ADCY5: variants seen among roughly 807,000 people sequenced by gnomAD.
ADCY5 encodes the protein adenylate cyclase 5, also known as adenylate cyclase type 5.
ADCY5 carries 30 observed loss-of-function variants against 119.7 expected under a neutral mutation model. The ratio of observed to expected loss-of-function variants is 0.25; its 90% CI spans 0.19 to 0.34. ADCY5 has a LOEUF of 0.34. Among genes scored for constraint, ADCY5 ranks in the 10% least tolerant of loss-of-function variants. The pLI is 1.00. For synonymous variants in ADCY5, 753 were observed against 762.2 expected, an observed-to-expected ratio of 0.99 and a Z score of 0.20; for missense variants, 1,324 against 1,775.2, an observed-to-expected ratio of 0.75 and a Z score of 4.57.
intron 1 of ADCY5, among the ~76,000 whole-genome samples, chr3:123,420,488 A>G (rs1945281171): frequency 6.6e-6 from 1 of 152,166 alleles, no homozygotes; most frequent in Non-Finnish European, 1.5e-5. Context: ...GCAGGAAGGT[A>G]GGGTGGGAGG....
rs1285962614 is a variant in ADCY5 at position 123,440,886 on chromosome 3, C to G, written c.1134+6526G>C. Among the ~76,000 whole-genome samples the G allele has an allele frequency of 2.0e-5, 3 of 152,190 alleles. No homozygotes were observed. In the East Asian group the frequency reaches 5.8e-4, roughly 29 times the overall value. On this transcript the variant is annotated intron_variant, in intron 1 of 20. Coordinates refer to ENST00000462833, the MANE Select transcript of ADCY5 (RefSeq NM_183357.3). ...GATCATCCCTCTCATCCTGTTTTAC[C>G]ACCACCACTATGACCCAATCGCCTT...
chr3:123,392,423 AGGGCTTAGAT>A (rs1386957904), intron 1 of ADCY5, among the ~76,000 whole-genome samples: 3 of 152,126 alleles, frequency 2.0e-5, no homozygotes, highest in Non-Finnish European at 2.9e-5. Context: ...AGTCTGAGGA[AGGGCTTAGAT>A]GGGCTCGGTC....
intron 12 of ADCY5, among the ~76,000 whole-genome samples, chr3:123,306,936 A>C (rs981091199): frequency 5.3e-5 from 8 of 152,272 alleles, no homozygotes; most frequent in African/African-American, 1.9e-4. Context: ...GTGCTGTTAC[A>C]TGCTACATGG....
chr3:123,306,416 C>G (rs1940201629), intron 12 of ADCY5, among the ~76,000 whole-genome samples: 1 of 152,160 alleles, frequency 6.6e-6, no homozygotes, highest in African/African-American at 2.4e-5. Flanking sequence ...AAAGCCAAAA[C>G]TACAGAACTC....
Position 123,325,512 on chromosome 3 carries a change from G to C in ADCY5, c.1948-50C>G, listed in dbSNP as rs114011421. 2,138 of 1,607,730 alleles carry C rather than the reference G, an allele frequency of 1.3e-3. 22 individuals carry two copies. The highest frequency in any genetic ancestry group is 8.9e-3 in the African/African-American group (669 of 74,860). ...GGGAGATGAGGAGTCCAAGCGGAGG[G>C]CTCCTCACCCTTCCCCAAACATCGT... On this transcript the variant is annotated intron_variant, in intron 7 of 20. Coordinates refer to ENST00000462833, the MANE Select transcript of ADCY5 (RefSeq NM_183357.3).
intron 1 of ADCY5, among the ~76,000 whole-genome samples, chr3:123,359,605 C>T (rs1271207216): frequency 1.3e-5 from 2 of 151,794 alleles, no homozygotes; most frequent in Non-Finnish European, 2.9e-5. Flanking sequence ...GAAGTGCAAG[C>T]CAAAGAGGTA....
chr3:123,418,610 T>G (rs1258931073), intron 1 of ADCY5, among the ~76,000 whole-genome samples: 1 of 151,920 alleles, frequency 6.6e-6, no homozygotes, highest in Non-Finnish European at 1.5e-5. Flanking sequence ...CTCAGCAGAG[T>G]GAGAACTCAC....
Position 123,321,145 on chromosome 3 carries a change from A to G in ADCY5, c.2089-374T>C, listed in dbSNP as rs866890153. 3.9e-5 allele frequency among the ~76,000 whole-genome samples: 6 copies of G among 152,240 alleles called. No individual in the cohort carries two copies. In the Middle Eastern group the frequency reaches 0.017, roughly 432 times the overall value. ...AATCCTGCCTCTTACTCAGATGGAA[A>G]TCGGGAATTGCTGGGCTGCACAATC... On this transcript the variant is annotated intron_variant, in intron 8 of 20. Coordinates refer to ENST00000462833, the MANE Select transcript of ADCY5 (RefSeq NM_183357.3).
Position 123,395,136 on chromosome 3 carries a change from C to G in ADCY5, c.1135-42555G>C, listed in dbSNP as rs112795551. ...GACCTCTCCCCACTCAGAGGGCTGA[C>G]CCCTTCAGGCCAATGCCCAGACCCA... On this transcript the variant is annotated intron_variant, in intron 1 of 20. Transcript: ENST00000462833. Among the ~76,000 whole-genome samples, 645 of 152,334 alleles carry G rather than the reference C, an allele frequency of 4.2e-3. 8 individuals carry two copies. The highest frequency in any genetic ancestry group is 0.015 in the African/African-American group (627 of 41,576).
intron 1 of ADCY5, chr3:123,416,269 C>T: frequency 6.5e-7 from 1 of 1,536,136 alleles, no homozygotes; most frequent in Admixed American, 2.0e-5. Flanking sequence ...AGACTTCATT[C>T]CTCAGGACTT....
intron 1 of ADCY5, among the ~76,000 whole-genome samples, chr3:123,429,067 A>G (rs1385417109): frequency 6.6e-6 from 1 of 152,250 alleles, no homozygotes; most frequent in East Asian, 1.9e-4. Context: ...ATGAGGGTCA[A>G]ATGAGCTACT....
chr3:123,381,578 G>T (rs977208764), intron 1 of ADCY5, among the ~76,000 whole-genome samples: 1 of 152,184 alleles, frequency 6.6e-6, no homozygotes, highest in Non-Finnish European at 1.5e-5. Context: ...GCTGCACAGG[G>T]CTCCACACTG....
rs149936305 is a variant in ADCY5, at chr3:123,423,785, G to T, written c.1134+23627C>A. Among the ~76,000 whole-genome samples the T allele has an allele frequency of 2.6e-3, 398 of 152,358 alleles. 1 individual carries two copies. Among genetic ancestry groups the T allele is most frequent in the African/African-American group, 8.3e-3 (346 of 41,590 alleles). On this transcript the variant is annotated intron_variant, in intron 1 of 20. Transcript: ENST00000462833. The stretch of plus-strand genomic sequence containing the variant: ...GCCAAGAAGGGTTCTCGGGTATGAG[G>T]AAAGAAGGGCAGGGGAGGGTGGCCA...
chr3:123,327,364 G>A (rs1189380635), intron 7 of ADCY5, among the ~76,000 whole-genome samples: 2 of 152,210 alleles, frequency 1.3e-5, no homozygotes. Context: ...CCAGCTTGTG[G>A]ACTTCTGATG....
intron 1 of ADCY5, among the ~76,000 whole-genome samples, chr3:123,373,045 C>T (rs1245002522): frequency 6.6e-6 from 1 of 152,182 alleles, no homozygotes; most frequent in African/African-American, 2.4e-5. Flanking sequence ...GGTTCTCATT[C>T]ACTCTAGGAA....
At chr3:123,359,594 T>C (rs899464159) in intron 1 of ADCY5, among the ~76,000 whole-genome samples, 3 of 151,412 alleles carry the variant, frequency 2.0e-5, no homozygotes, top group African/African-American at 7.3e-5. Context: ...ATCACCCCAA[T>C]GAAGTGCAAG....
chr3:123,429,195 G>A (rs1177505913), intron 1 of ADCY5, among the ~76,000 whole-genome samples: 2 of 152,146 alleles, frequency 1.3e-5, no homozygotes, highest in East Asian at 1.9e-4. Flanking sequence ...CCATCAGACC[G>A]AACATTCTGC....
In ADCY5 at chr3:123,352,320, AGTGGG is replaced by A; in HGVS notation, c.1284+107_1284+111del. On this transcript the variant is annotated intron_variant, in intron 2 of 20. Coordinates refer to ENST00000462833, the MANE Select transcript of ADCY5 (RefSeq NM_183357.3). The surrounding 1 kb of genome is among the most constrained non-coding windows in gnomAD (Gnocchi z 4.8). Reference sequence around the variant, plus strand: ...CCCATGGGTTGGTCCCCTCCCGGGGAGTGGGGCTGGCAGCCGTAATAAGCACTGCC... The same window carrying A: ...CCCATGGGTTGGTCCCCTCCCGGGGAGCTGGCAGCCGTAATAAGCACTGCC... The A allele has an allele frequency of 7.5e-7, 1 of 1,341,722 alleles. No individual in the cohort carries two copies. The allele number at this position is 1,341,722 out of a possible 1,614,324, so 83.1% of individuals were successfully genotyped here. A position where few individuals can be genotyped will look rare whatever the true frequency, so the allele number is the denominator to read the frequency against.
intron 1 of ADCY5, among the ~76,000 whole-genome samples, chr3:123,397,032 G>A (rs1160965225): frequency 6.6e-6 from 1 of 152,034 alleles, no homozygotes; most frequent in Non-Finnish European, 1.5e-5. Context: ...AATTCCCCTG[G>A]CCCAATAAGG....
Sources: gnomAD v4.1 joint callset for allele counts (sites outside exome capture counted in the v4.1 genomes callset) on GRCh38, gnomAD v4.1.1 for gene constraint, Gnocchi (gnomAD v3.1) non-coding constraint, MANE v1.5 for transcripts, NCBI Gene and HGNC (gene_info 2026-07-23, HGNC 2026-07-21) for gene names.